The following LINGO2 variants were observed in gnomAD, a reference collection of about 807,000 sequenced individuals.
LINGO2 encodes the protein leucine rich repeat and Ig domain containing 2, also known as leucine-rich repeat and immunoglobulin-like domain-containing nogo receptor-interacting protein 2.
Under a neutral mutation model 30.6 loss-of-function variants are expected in LINGO2, and 14 were observed. The observed-to-expected ratio is 0.46, with a 90% CI of 0.30 to 0.72. The LOEUF (loss-of-function observed/expected upper bound fraction) is 0.72, where lower values mean the gene tolerates loss of function less well. Ranked by LOEUF, LINGO2 falls within the 30% of genes least tolerant of loss-of-function variation. The probability of loss-of-function intolerance (pLI) is 0.07; values close to 1 mark genes in which losing one functional copy is unlikely to be tolerated. For synonymous variants in LINGO2, 317 were observed against 288.5 expected (o/e 1.10, Z -1.00); for missense variants, 729 against 751.7 (o/e 0.97, Z 0.35).
intron 1 of LINGO2, among the ~76,000 whole-genome samples, chr9:28,638,034 T>G (rs1258419339): frequency 6.6e-6 from 1 of 152,060 alleles, no homozygotes; most frequent in Non-Finnish European, 1.5e-5. Context: ...AGCATGAAGG[T>G]TGTTGAATTT....
At chr9:28,145,437 G>T (rs1346013570) in intron 4 of LINGO2, among the ~76,000 whole-genome samples, 4 of 152,146 alleles carry the variant, frequency 2.6e-5, no homozygotes, top group African/African-American at 9.7e-5. Flanking sequence ...TATTTTCTAA[G>T]AACATCAAAT....
the LINGO2 span, among the ~76,000 whole-genome samples, chr9:28,857,806 CA>C: frequency 5.3e-5 from 8 of 151,820 alleles, no homozygotes; most frequent in African/African-American, 1.4e-4. Context: ...AAAATATTAA[CA>C]TTTTTTACAC....
At chr9:28,618,927 A>C (rs1292626195) in intron 1 of LINGO2, among the ~76,000 whole-genome samples, 1 of 152,184 alleles carries the variant, frequency 6.6e-6, no homozygotes, top group East Asian at 1.9e-4. Flanking sequence ...CCTACCTGTC[A>C]GGCTTGGACT....
chr9:28,878,491 G>T, the LINGO2 span, among the ~76,000 whole-genome samples: 2 of 152,090 alleles, frequency 1.3e-5, no homozygotes, highest in Non-Finnish European at 2.9e-5. Flanking sequence ...CATTTTATGA[G>T]GCCAGCATCA....
intron 1 of LINGO2, among the ~76,000 whole-genome samples, chr9:28,545,871 T>C (rs1564281154): frequency 6.6e-6 from 1 of 152,094 alleles, no homozygotes; most frequent in Non-Finnish European, 1.5e-5. Flanking sequence ...TGTCATAAGG[T>C]AGAAAGTGGG....
In LINGO2 at chr9:28,005,984, T is replaced by C. The variant is rs538509476; in HGVS notation, c.-36+6371A>G. Among the ~76,000 whole-genome samples the C allele has an allele frequency of 2.6e-5, 4 of 152,192 alleles. No individual in the cohort carries two copies. The East Asian group carries it at 7.7e-4, about 29-fold the overall frequency. On this transcript the variant is annotated intron_variant, in intron 5 of 5. Transcript: ENST00000379992. The stretch of plus-strand genomic sequence containing the variant: ...CCTAAAGATGTAAACCCCAGTAGCA[T>C]CAGAATCATATGAATAGGCCTGTAT...
chr9:28,757,563 T>TAC, the LINGO2 span, among the ~76,000 whole-genome samples: 1 of 151,388 alleles, frequency 6.6e-6, no homozygotes, highest in African/African-American at 2.4e-5. Context: ...TATAAAGAAA[T>TAC]ATATATAGTT....
At chr9:28,272,893 C>A (rs1822991212) in intron 4 of LINGO2, among the ~76,000 whole-genome samples, 1 of 152,174 alleles carries the variant, frequency 6.6e-6, no homozygotes, top group African/African-American at 2.4e-5. Flanking sequence ...ATCTTCTCCT[C>A]ACCCTATAAA....
At chr9:28,580,422 C>T (rs1376164288) in intron 1 of LINGO2, among the ~76,000 whole-genome samples, 1 of 151,992 alleles carries the variant, frequency 6.6e-6, no homozygotes, top group Non-Finnish European at 1.5e-5. Flanking sequence ...GAAAAATACA[C>T]GCGATTCTCT....
At chr9:28,887,075 GAGGC>G in the LINGO2 span, among the ~76,000 whole-genome samples, 1 of 152,090 alleles carries the variant, frequency 6.6e-6, no homozygotes, top group Non-Finnish European at 1.5e-5. Context: ...TCCAACGAGT[GAGGC>G]AGGACCTTGT....
At chr9:27,964,418 G>A (rs1819998668) in intron 5 of LINGO2, among the ~76,000 whole-genome samples, 1 of 151,966 alleles carries the variant, frequency 6.6e-6, no homozygotes, top group Admixed American at 6.6e-5. Context: ...CTTGGCTAGG[G>A]ACTGATATAT....
chr9:28,649,075 A>G (rs962272537), intron 1 of LINGO2, among the ~76,000 whole-genome samples: 10 of 152,142 alleles, frequency 6.6e-5, no homozygotes, highest in African/African-American at 2.4e-4. Context: ...TCAGAAACCT[A>G]TATCGAACAT....
At chr9:28,387,325 T>C (rs1228768112) in intron 2 of LINGO2, among the ~76,000 whole-genome samples, 2 of 151,304 alleles carry the variant, frequency 1.3e-5, no homozygotes, top group African/African-American at 4.9e-5. Flanking sequence ...ACGCACCAAT[T>C]GGCGCTCTGT....
chr9:28,669,567 A>T (rs900825282), intron 1 of LINGO2, among the ~76,000 whole-genome samples: 2 of 152,098 alleles, frequency 1.3e-5, no homozygotes, highest in Admixed American at 1.3e-4. Context: ...AAATACAAAA[A>T]CAAAAATACC....
chr9:28,388,914 T>C (rs759372995), intron 2 of LINGO2, among the ~76,000 whole-genome samples: 1 of 150,698 alleles, frequency 6.6e-6, no homozygotes, highest in African/African-American at 2.4e-5. Context: ...CTCTCTCTCT[T>C]TCTTTGGATT....
In LINGO2 at chr9:28,020,552, AAAACAAAACAAAACAAAAC is replaced by A. The variant is rs974801445; in HGVS notation, c.-86-8166_-86-8148del. 3.4e-4 allele frequency among the ~76,000 whole-genome samples: 48 copies of A among 142,416 alleles called. No homozygotes were observed. In the South Asian group the frequency reaches 5.7e-3, roughly 17 times the overall value. The allele number at this position is 142,416 out of a possible 152,430, so 93.4% of individuals were successfully genotyped here. A position where few individuals can be genotyped will look rare whatever the true frequency, so the allele number is the denominator to read the frequency against. ...TTATAAAAACAAAACAAAACAAAAC[AAAACAAAACAAAACAAAAC>A]AAACAAAACAAGAAAGTGTTACCTC... On this transcript the variant is annotated intron_variant, in intron 4 of 5. Transcript: ENST00000379992.
chr9:28,202,842 T>G (rs1216911725), intron 4 of LINGO2, among the ~76,000 whole-genome samples: 2 of 152,178 alleles, frequency 1.3e-5, no homozygotes, highest in Admixed American at 6.5e-5. Context: ...CAAACTGACA[T>G]TCTCAAACTT....
At position 28,639,975 on chromosome 9, in the gene LINGO2, T is replaced by A. The variant is rs1485756410; in HGVS notation, c.-365+30225A>T. On this transcript the variant is annotated intron_variant, in intron 1 of 5. Coordinates refer to ENST00000379992, the Ensembl canonical transcript of LINGO2. ...GGCTGGTACCGGTTGTTCCTTTCCA[T>A]GTTTAGTGCTTCCTTCAGGAGCTCT... 3.3e-5 allele frequency among the ~76,000 whole-genome samples: 5 copies of A among 152,270 alleles called. No homozygotes were observed. In the South Asian group the frequency reaches 1.0e-3, roughly 32 times the overall value.
chr9:28,232,251 T>C (rs1044438970), intron 4 of LINGO2, among the ~76,000 whole-genome samples: 7 of 151,718 alleles, frequency 4.6e-5, no homozygotes, highest in Non-Finnish European at 2.9e-5. Context: ...TTACAAAAAA[T>C]AGCTAGGCAT....
Sources: gnomAD v4.1 joint callset for allele counts (sites outside exome capture counted in the v4.1 genomes callset) on GRCh38, gnomAD v4.1.1 for gene constraint, MANE v1.5 for transcripts, NCBI Gene and HGNC (gene_info 2026-07-23, HGNC 2026-07-21) for gene names.